The following CDK15 variants were observed in gnomAD, a reference collection of about 807,000 sequenced individuals.
CDK15 encodes cyclin dependent kinase 15.
In CDK15, 62 loss-of-function variants were observed where a neutral mutation model predicts 60.3. The observed-to-expected ratio is 1.03, with a 90% CI of 0.84 to 1.27. The LOEUF (loss-of-function observed/expected upper bound fraction) is 1.27. CDK15 is among the 50% of genes most tolerant of loss of function. CDK15 has a pLI of 0.00. For synonymous variants in CDK15, 194 were observed against 195.7 expected, an observed-to-expected ratio of 0.99 and a Z score of 0.07; for missense variants, 541 against 527.8, an observed-to-expected ratio of 1.03 and a Z score of -0.25.
In CDK15 at chr2:201,880,065, C is replaced by T. The variant is rs1248143640; in HGVS notation, c.1096C>T (p.Gln366Ter). The T allele has an allele frequency of 1.2e-6, 2 of 1,614,006 alleles. No homozygotes were observed. Among genetic ancestry groups the T allele is most frequent in the Admixed American group, 3.3e-5 (2 of 59,996 alleles). The change falls in exon 12 of 14, where the codon CAG (glutamine) becomes TAG (stop). Residue 366 changes from glutamine (Q) to a stop codon, truncating the protein, a stop_gained. Transcript: ENST00000652192. LOFTEE classifies it high-confidence loss of function. The part of the protein sequence containing the change: ...RVPEAEDLAS[Q>*]MLKGFPRDRV... ...TCCTGAAGCTGAAGACCTGGCCTCC[C>T]AGATGCTAAAAGGCTTTCCCAGAGA...
intron 3 of CDK15, among the ~76,000 whole-genome samples, chr2:201,810,806 A>G (rs886568782): frequency 6.6e-6 from 1 of 151,846 alleles, no homozygotes; most frequent in Non-Finnish European, 1.5e-5. Flanking sequence ...GTCAACATCA[A>G]AAGTCATAAA....
intron 8 of CDK15, 38 bp from the exon 9 acceptor site, chr2:201,847,343 C>A (rs781602166): frequency 6.4e-6 from 10 of 1,572,362 alleles, no homozygotes; most frequent in South Asian, 3.4e-5. Flanking sequence ...TGTATGATTT[C>A]TTTCAAAGTG....
At chr2:201,890,114 A>G (rs993699000) in intron 12 of CDK15, among the ~76,000 whole-genome samples, 1 of 152,144 alleles carries the variant, frequency 6.6e-6, no homozygotes, top group African/African-American at 2.4e-5. Context: ...AACTTCCTAA[A>G]ACATATCTAG....
chr2:201,823,751 C>G, intron 6 of CDK15, 24 bp downstream of exon 6: 1 of 1,605,128 alleles, frequency 6.2e-7, no homozygotes, highest in East Asian at 2.2e-5. Context: ...GGGTCAGGAC[C>G]CTCTCCTGGC....
intron 4 of CDK15, 42 bp downstream of exon 4, chr2:201,812,604 C>G: frequency 7.2e-7 from 1 of 1,387,960 alleles, no homozygotes; most frequent in Non-Finnish European, 1.0e-6. Flanking sequence ...TGTTTTGAGT[C>G]CTTGATTTGG....
intron 12 of CDK15, chr2:201,888,783 G>A: frequency 1.7e-6 from 2 of 1,159,454 alleles, no homozygotes; most frequent in Non-Finnish European, 2.1e-6. Context: ...GAAGCCGGAG[G>A]GAAATCCCAG....
At chr2:201,813,231 T>C (rs1022636979) in intron 4 of CDK15, among the ~76,000 whole-genome samples, 3 of 152,242 alleles carry the variant, frequency 2.0e-5, no homozygotes, top group African/African-American at 7.2e-5. Flanking sequence ...GAGTCAGTTT[T>C]TCAGAGTTCA....
At chr2:201,872,357 G>GCA (rs778526553) in intron 11 of CDK15, 31 bp downstream of exon 11, 28 of 1,340,120 alleles carry the variant, frequency 2.1e-5, no homozygotes, top group Non-Finnish European at 2.7e-5. Context: ...GGATCTTTAA[G>GCA]GGATCTTTAA....
At chr2:201,858,427 T>C (rs556443538) in intron 10 of CDK15, among the ~76,000 whole-genome samples, 5 of 141,652 alleles carry the variant, frequency 3.5e-5, no homozygotes, top group Non-Finnish European at 7.6e-5. Context: ...CTTCCTTCTC[T>C]CTTTCACTCC....
chr2:201,811,137 C>T (rs1325998309), intron 3 of CDK15, among the ~76,000 whole-genome samples: 1 of 144,530 alleles, frequency 6.9e-6, no homozygotes, highest in Non-Finnish European at 1.5e-5. Flanking sequence ...GCCACTGCGC[C>T]TGGCTGAGGG....
intron 12 of CDK15, 62 bp from the exon 13 acceptor site, chr2:201,890,723 A>C: frequency 1.5e-6 from 2 of 1,340,830 alleles, no homozygotes; most frequent in Admixed American, 4.1e-5. Flanking sequence ...AACAGACAAA[A>C]ATATACCACA....
chr2:201,869,233 C>T (rs1559143178), intron 10 of CDK15, among the ~76,000 whole-genome samples: 2 of 152,110 alleles, frequency 1.3e-5, no homozygotes, highest in African/African-American at 4.8e-5. Flanking sequence ...TTTGCAGGGA[C>T]ATGGATGCAG....
In CDK15 at chr2:201,837,762, C is replaced by T. The variant is rs563333043; in HGVS notation, c.851+1999C>T. Among the ~76,000 whole-genome samples the T allele has an allele frequency of 1.0e-3, 152 of 152,180 alleles. 2 individuals are homozygous for T. The highest frequency in any genetic ancestry group is 3.4e-3 in the African/African-American group (142 of 41,518). On this transcript the variant is annotated intron_variant, in intron 8 of 13. Coordinates refer to ENST00000652192, the MANE Select transcript of CDK15 (RefSeq NM_001366386.2). Reference sequence around the variant, plus strand: ...GGAAATATATGAATCTCTTTCAGTACCTTGGAAGAAAGGGTTTATATAAAA... The same window carrying T: ...GGAAATATATGAATCTCTTTCAGTATCTTGGAAGAAAGGGTTTATATAAAA...
chr2:201,828,244 G>A (rs1321022670), intron 6 of CDK15, among the ~76,000 whole-genome samples: 1 of 152,180 alleles, frequency 6.6e-6, no homozygotes, highest in Non-Finnish European at 1.5e-5. Context: ...TCTGTGCTCA[G>A]AAGGGAGCTG....
rs539682273 is a variant in CDK15, at chr2:201,894,662, T to C, written c.*1395T>C. 1.3e-5 allele frequency: 2 copies of C among 152,326 alleles called. No homozygotes were observed. Among genetic ancestry groups the C allele is most frequent in the African/African-American group, 4.8e-5 (2 of 41,566 alleles). The allele number at this position is 152,326 out of a possible 1,614,324, so 9.4% of individuals were successfully genotyped here. A position where few individuals can be genotyped will look rare whatever the true frequency, so the allele number is the denominator to read the frequency against. On this transcript the variant is annotated 3_prime_UTR_variant, in exon 14 of 14. Coordinates refer to ENST00000652192, the MANE Select transcript of CDK15 (RefSeq NM_001366386.2). Reference sequence around the variant, plus strand: ...TATTATTATTAATTTATGACTTCCATTTCACAAAAGAGGAGACTGAGGCTC... The same window carrying C: ...TATTATTATTAATTTATGACTTCCACTTCACAAAAGAGGAGACTGAGGCTC...
chr2:201,831,858 T>G (rs1397264668), intron 6 of CDK15, among the ~76,000 whole-genome samples: 3 of 152,142 alleles, frequency 2.0e-5, no homozygotes, highest in Non-Finnish European at 4.4e-5. Flanking sequence ...GTCAGACAAG[T>G]CTGAATTTGA....
intron 8 of CDK15, among the ~76,000 whole-genome samples, chr2:201,840,417 C>T (rs1017754853): frequency 2.0e-5 from 3 of 152,172 alleles, no homozygotes; most frequent in East Asian, 1.9e-4. Flanking sequence ...TGTCAGAATT[C>T]TATCCACTTT....
chr2:201,839,017 T>C (rs1026221305), intron 8 of CDK15, among the ~76,000 whole-genome samples: 1 of 152,152 alleles, frequency 6.6e-6, no homozygotes, highest in African/African-American at 2.4e-5. Context: ...CTCAGCTCAC[T>C]GCAAGCTCCG....
At chr2:201,892,366 G>A (rs892770926) in intron 13 of CDK15, among the ~76,000 whole-genome samples, 1 of 152,132 alleles carries the variant, frequency 6.6e-6, no homozygotes, top group Non-Finnish European at 1.5e-5. Context: ...TCAGATGGTG[G>A]TGCTCCATTA....
Sources: gnomAD v4.1 joint callset for allele counts (sites outside exome capture counted in the v4.1 genomes callset) on GRCh38, gnomAD v4.1.1 for gene constraint, MANE v1.5 for transcripts, NCBI Gene and HGNC (gene_info 2026-07-23, HGNC 2026-07-21) for gene names.